The following CLDN10 variants were observed in gnomAD, a reference collection of about 807,000 sequenced individuals.
CLDN10 encodes the protein claudin-10.
In CLDN10, 15 loss-of-function variants were observed where a neutral mutation model predicts 22.9. The observed-to-expected ratio is 0.65, with a 90% confidence interval of 0.44 to 1.01. The LOEUF is 1.01. Ranked by LOEUF, CLDN10 falls within the 50% of genes least tolerant of loss-of-function variation. The probability of loss-of-function intolerance (pLI) is 0.00; values close to 1 mark genes in which losing one functional copy is unlikely to be tolerated. For synonymous variants in CLDN10, 114 were observed against 111.4 expected (o/e 1.02, Z -0.15); for missense variants, 247 against 287.8 (o/e 0.86, Z 1.03).
Position 95,570,351 on chromosome 13 carries a change from G to T in CLDN10, c.465-6880G>T, listed in dbSNP as rs139576443. ...CGAATGGAGATCAATGGCATGGATG[G>T]TGCTAAGCAACTGATTTGGTTTTGA... On this transcript the variant is annotated intron_variant, in intron 3 of 4. Transcript: ENST00000299339. Among the ~76,000 whole-genome samples the T allele has an allele frequency of 7.4e-3, 1,132 of 152,310 alleles. 7 individuals are homozygous for T. Among genetic ancestry groups the T allele is most frequent in the Non-Finnish European group, 0.012 (828 of 68,030 alleles).
chr13:95,476,413 G>A (rs553689258), intron 1 of CLDN10, among the ~76,000 whole-genome samples: 9 of 152,296 alleles, frequency 5.9e-5, no homozygotes, highest in African/African-American at 2.2e-4. Flanking sequence ...GTCCTCACGT[G>A]GTGGCAGAAG....
chr13:95,461,398 G>T (rs1446551399), intron 1 of CLDN10, among the ~76,000 whole-genome samples: 1 of 152,084 alleles, frequency 6.6e-6, no homozygotes. Flanking sequence ...ACTTCTTGAG[G>T]CCTTTATTTA....
chr13:95,471,453 A>ATATAT (rs776857009), intron 1 of CLDN10, among the ~76,000 whole-genome samples: 24 of 106,388 alleles, frequency 2.3e-4, no homozygotes, highest in African/African-American at 5.6e-4. Context: ...ATATATATAT[A>ATATAT]TTTTTTTTTT....
chr13:95,483,324 A>G (rs78178443), intron 1 of CLDN10, among the ~76,000 whole-genome samples: 4,339 of 151,408 alleles, frequency 0.029, 85 homozygotes, highest in Middle Eastern at 0.072. Flanking sequence ...TTATTTCTCA[A>G]TTTCCCTCTC....
intron 1 of CLDN10, among the ~76,000 whole-genome samples, chr13:95,505,624 A>G (rs1394096989): frequency 6.6e-6 from 1 of 152,230 alleles, no homozygotes; most frequent in Non-Finnish European, 1.5e-5. Flanking sequence ...AATCACTGCC[A>G]TAACAGGTAA....
At chr13:95,556,945 ATTAAT>A (rs1212994411) in intron 1 of CLDN10, among the ~76,000 whole-genome samples, 1 of 152,258 alleles carries the variant, frequency 6.6e-6, no homozygotes, top group African/African-American at 2.4e-5. Context: ...AACAGAGTTC[ATTAAT>A]TTAAAGTCAC....
intron 1 of CLDN10, among the ~76,000 whole-genome samples, chr13:95,515,845 A>T (rs1415482635): frequency 6.6e-6 from 1 of 152,116 alleles, no homozygotes; most frequent in East Asian, 1.9e-4. Flanking sequence ...ACTGACAGGC[A>T]GGTAGATCAC....
chr13:95,461,883 G>A (rs543844127), intron 1 of CLDN10, among the ~76,000 whole-genome samples: 2 of 152,164 alleles, frequency 1.3e-5, no homozygotes, highest in Admixed American at 1.3e-4. Context: ...CTTGAGGCTA[G>A]GAGTTCAAGA....
chr13:95,561,242 C>T (rs2043708476), intron 3 of CLDN10, among the ~76,000 whole-genome samples: 1 of 152,112 alleles, frequency 6.6e-6, no homozygotes, highest in Non-Finnish European at 1.5e-5. Flanking sequence ...ATCAATGAGG[C>T]TGGTAATTTT....
intron 1 of CLDN10, among the ~76,000 whole-genome samples, chr13:95,547,639 T>A (rs1474548497): frequency 1.3e-5 from 2 of 152,192 alleles, no homozygotes; most frequent in Admixed American, 6.5e-5. Context: ...TGAGTGAGAT[T>A]AGGTGACCTG....
At chr13:95,435,705 A>T (rs1314526118) in intron 1 of CLDN10, among the ~76,000 whole-genome samples, 1 of 152,118 alleles carries the variant, frequency 6.6e-6, no homozygotes, top group Non-Finnish European at 1.5e-5. Context: ...CACCTCTTAC[A>T]ATCGTTCTTT....
intron 3 of CLDN10, among the ~76,000 whole-genome samples, chr13:95,571,547 G>A (rs1255506385): frequency 1.3e-5 from 2 of 152,178 alleles, no homozygotes; most frequent in East Asian, 1.9e-4. Flanking sequence ...CGTCTCATAA[G>A]AGAGACTGGA....
intron 1 of CLDN10, among the ~76,000 whole-genome samples, chr13:95,556,776 CT>C (rs968938284): frequency 4.6e-5 from 7 of 152,190 alleles, no homozygotes; most frequent in African/African-American, 9.7e-5. Flanking sequence ...AAAGCACATT[CT>C]TTTTTCCCCC....
At chr13:95,507,271 C>T (rs2043048059) in intron 1 of CLDN10, among the ~76,000 whole-genome samples, 2 of 152,040 alleles carry the variant, frequency 1.3e-5, no homozygotes, top group Admixed American at 6.6e-5. Context: ...ATTCTACCAG[C>T]TTTATTCTGA....
chr13:95,476,588 A>G (rs1227351358), intron 1 of CLDN10, among the ~76,000 whole-genome samples: 2 of 152,208 alleles, frequency 1.3e-5, no homozygotes, highest in Non-Finnish European at 2.9e-5. Context: ...TATTCAGACC[A>G]TAGCAGCTGT....
chr13:95,574,187 A>C (rs751991261), intron 3 of CLDN10, among the ~76,000 whole-genome samples: 1 of 152,200 alleles, frequency 6.6e-6, no homozygotes, highest in Non-Finnish European at 1.5e-5. Context: ...ACATATGAAC[A>C]CATGTCAATT....
intron 1 of CLDN10, among the ~76,000 whole-genome samples, chr13:95,452,709 C>G (rs2042443144): frequency 6.6e-6 from 1 of 152,170 alleles, no homozygotes; most frequent in Non-Finnish European, 1.5e-5. Context: ...ATAACCTTCT[C>G]GAGATAGCCT....
At chr13:95,470,881 A>G (rs1490315980) in intron 1 of CLDN10, among the ~76,000 whole-genome samples, 2 of 152,070 alleles carry the variant, frequency 1.3e-5, no homozygotes, top group East Asian at 3.9e-4. Context: ...TTATTCATCC[A>G]CAGCCGACGT....
intron 1 of CLDN10, among the ~76,000 whole-genome samples, chr13:95,493,247 C>G (rs1566299605): frequency 6.6e-6 from 1 of 151,948 alleles, no homozygotes; most frequent in South Asian, 2.1e-4. Context: ...CAGACGGGTG[C>G]CCCTTCCTTG....
Sources: allele counts gnomAD v4.1 joint callset (sites outside exome capture counted in the v4.1 genomes callset), GRCh38; gene constraint gnomAD v4.1.1; transcripts MANE v1.5; gene names NCBI Gene and HGNC (gene_info 2026-07-23, HGNC 2026-07-21).